Variants in DENND4B observed in about 807,000 individuals in gnomAD.
DENND4B encodes DENN domain containing 4B.
Under a neutral mutation model 161.0 loss-of-function variants are expected in DENND4B, and 67 were observed. The observed-to-expected ratio is 0.42, with a 90% confidence interval of 0.34 to 0.51. DENND4B has a LOEUF of 0.51. DENND4B is among the 20% of genes least tolerant of loss of function. The pLI is 0.08. For missense variants in DENND4B, 1,481 were observed against 1,968.0 expected, an observed-to-expected ratio of 0.75 and a Z score of 4.68; for synonymous variants, 753 against 813.8, an observed-to-expected ratio of 0.93 and a Z score of 1.27.
At position 153,933,662 on chromosome 1, in the gene DENND4B, C is replaced by A; in HGVS notation, c.3151G>T (p.Gly1051Cys). Residue 1051 changes from glycine to cysteine, a missense_variant, in exon 20 of 28, where the codon GGC becomes TGC. Transcript: ENST00000361217. The surrounding 1 kb of genome is among the most constrained non-coding windows in gnomAD (Gnocchi z 5.7). Reference sequence around the variant, plus strand: ...GCACCCAGCCCTCGTCGGGGGGTGCCTGCCTCATCCTGTCGCCCACCAGCC... The same window carrying A: ...GCACCCAGCCCTCGTCGGGGGGTGCATGCCTCATCCTGTCGCCCACCAGCC... ...PKAGGRQDEA[G>C]TPRRGLGARL... 6.4e-7 allele frequency: 1 copy of A among 1,567,986 alleles called. No homozygotes were observed. The highest frequency in any genetic ancestry group is 8.6e-7 in the Non-Finnish European group (1 of 1,158,286).
chr1:153,941,925 G>A lies in DENND4B; in HGVS notation c.999C>T (p.Phe333=), dbSNP rs371624516. Residue 333 remains phenylalanine (F), a synonymous_variant, in exon 6 of 28, where the codon TTC becomes TTT. Transcript: ENST00000361217. ...RWPAFPAFRA[F]LTFLYRYSVS... is the part of the protein sequence containing the mutation. Reference sequence around the variant, plus strand: ...CGGAGTAGCGGTAAAGGAAGGTGAGGAAGGCGCGGAAGGCAGGGAAGGCAG... The same window carrying A: ...CGGAGTAGCGGTAAAGGAAGGTGAGAAAGGCGCGGAAGGCAGGGAAGGCAG... 5 of 1,612,324 alleles carry A rather than the reference G, an allele frequency of 3.1e-6. No individual in the cohort carries two copies. Among genetic ancestry groups the A allele is most frequent in the Non-Finnish European group, 4.2e-6 (5 of 1,179,878 alleles).
chr1:153,940,799 G>T lies in DENND4B; in HGVS notation c.1326+105C>A. ...CAGGCTGTGCCCAGGGAAAGGGGCT[G>T]AGGATCCTCCACAAGGAAGGAAAAG... On this transcript the variant is annotated intron_variant, in intron 9 of 27. Transcript: ENST00000361217. The surrounding 1 kb of genome is among the most constrained non-coding windows in gnomAD (Gnocchi z 5.6). 1 of 1,469,984 alleles carries T rather than the reference G, an allele frequency of 6.8e-7. No homozygotes were observed. The highest frequency in any genetic ancestry group is 9.0e-7 in the Non-Finnish European group (1 of 1,109,152). 91.1% of individuals were successfully genotyped at this position (1,469,984 alleles called of 1,614,324 possible).
chr1:153,938,823 T>A lies in DENND4B; in HGVS notation c.1965+77A>T, dbSNP rs995378504. 4 of 1,509,056 alleles carry A rather than the reference T, an allele frequency of 2.7e-6. No homozygotes were observed. The African/African-American group carries it at 4.2e-5, about 16-fold the overall frequency. 93.5% of individuals were successfully genotyped at this position (1,509,056 alleles called of 1,614,324 possible). A position where few individuals can be genotyped will look rare whatever the true frequency, so the allele number is the denominator to read the frequency against. On this transcript the variant is annotated intron_variant, in intron 13 of 27. Coordinates refer to ENST00000361217, the MANE Select transcript of DENND4B (RefSeq NM_014856.3). ...ACCACCCTGAACATGCCCGATTCCGTCTAAAATGGCCTTGGGGCAACAGAG... is the reference window on the plus strand; with the variant it reads ...ACCACCCTGAACATGCCCGATTCCGACTAAAATGGCCTTGGGGCAACAGAG...
chr1:153,938,822 GTCT>G lies in DENND4B; in HGVS notation c.1965+75_1965+77del. Reference sequence around the variant, plus strand: ...TACCACCCTGAACATGCCCGATTCCGTCTAAAATGGCCTTGGGGCAACAGAGAC... The same window carrying G: ...TACCACCCTGAACATGCCCGATTCCGAAAATGGCCTTGGGGCAACAGAGAC... On this transcript the variant is annotated intron_variant, in intron 13 of 27. Transcript: ENST00000361217. 3 of 1,498,516 alleles carry G rather than the reference GTCT, an allele frequency of 2.0e-6. No homozygotes were observed. In the South Asian group the frequency reaches 3.6e-5, roughly 18 times the overall value. 92.8% of individuals were successfully genotyped at this position (1,498,516 alleles called of 1,614,324 possible). A position where few individuals can be genotyped will look rare whatever the true frequency, so the allele number is the denominator to read the frequency against.
At chr1:153,941,835 A>G in intron 6 of DENND4B, 34 bp downstream of exon 6, 14 of 1,538,062 alleles carry the variant, frequency 9.1e-6, no homozygotes, top group Non-Finnish European at 1.2e-5. Flanking sequence ...ATCCCTTCCT[A>G]ACCCCTTCCC....
chr1:153,930,294 TC>T lies in DENND4B; in HGVS notation c.*2del. On this transcript the variant is annotated 3_prime_UTR_variant, in exon 28 of 28. Transcript: ENST00000361217. This position sits in a 1 kb window ranked among gnomAD's most constrained non-coding sequence, Gnocchi z 4.7. ...CTAGGCTGGAGAGGGAAGCTTAAGG[TC>T]TCTAGCATTCTGGAGGTGCTCCAAA... 1.9e-6 allele frequency: 3 copies of T among 1,612,722 alleles called. No individual in the cohort carries two copies. Among genetic ancestry groups the T allele is most frequent in the Non-Finnish European group, 2.5e-6 (3 of 1,178,918 alleles).
chr1:153,936,481 C>G lies in DENND4B; in HGVS notation c.2439+61G>C. ...TCCACCAAGTTTCCCTCTCACAGCC[C>G]TCTCCAGCTGCACAAGGCTCACTGG... On this transcript the variant is annotated intron_variant, in intron 16 of 27. Transcript: ENST00000361217. This position sits in a 1 kb window ranked among gnomAD's most constrained non-coding sequence, Gnocchi z 4.1. 1 of 1,476,194 alleles carries G rather than the reference C, an allele frequency of 6.8e-7. No homozygotes were observed. Among genetic ancestry groups the G allele is most frequent in the Non-Finnish European group, 9.1e-7 (1 of 1,102,268 alleles). 91.4% of individuals were successfully genotyped at this position (1,476,194 alleles called of 1,614,324 possible). A position where few individuals can be genotyped will look rare whatever the true frequency, so the allele number is the denominator to read the frequency against.
Position 153,941,019 on chromosome 1 carries a change from C to A in DENND4B, c.1211G>T (p.Ser404Ile). 1 of 1,567,858 alleles carries A rather than the reference C, an allele frequency of 6.4e-7. No individual in the cohort carries two copies. Among genetic ancestry groups the A allele is most frequent in the Non-Finnish European group, 8.6e-7 (1 of 1,158,666 alleles). The change falls in exon 9 of 28, where the codon AGC (serine) becomes ATC (isoleucine). Residue 404 changes from serine (S) to isoleucine (I), a missense_variant. Coordinates refer to ENST00000361217, the MANE Select transcript of DENND4B (RefSeq NM_014856.3). The part of the protein sequence containing the change: ...SGASFLQLLQ[S>I]LGPELAITLL... ...TGTGATAGCCAGCTCAGGGCCCAGG[C>A]TCTGCAGCAGCTGCAGGAAGCTGGC... is the stretch of plus-strand genomic sequence containing the variant.
Position 153,936,549 on chromosome 1 carries a change from G to A in DENND4B, c.2432C>T (p.Pro811Leu). Residue 811 changes from proline to leucine, a missense_variant, in exon 16 of 28, where the codon CCT (proline) becomes CTT (leucine). Physicochemically the swap from Pro to Leu is moderately conservative, Grantham distance 98 (BLOSUM62 -3). Coordinates refer to ENST00000361217, the MANE Select transcript of DENND4B (RefSeq NM_014856.3). This position sits in a 1 kb window ranked among gnomAD's most constrained non-coding sequence, Gnocchi z 4.1. ...GTCACATAGATTGCCTACCTCATCAGGGAGCACCACCTTGCCGCTCTCCAT... is the reference window on the plus strand; with the variant it reads ...GTCACATAGATTGCCTACCTCATCAAGGAGCACCACCTTGCCGCTCTCCAT... ...RQMESGKVVL[P>L]DEVCYRVLMQ... 1 of 1,596,098 alleles carries A rather than the reference G, an allele frequency of 6.3e-7. No homozygotes were observed.
chr1:153,939,590 C>T lies in DENND4B; in HGVS notation c.1818G>A (p.Gln606=), dbSNP rs1304879817. Residue 606 remains glutamine, a splice_region_variant and synonymous_variant, in exon 12 of 28, where the codon CAG becomes CAA. Transcript: ENST00000361217. The part of the protein sequence containing the change: ...ARDVDNLFFL[Q]GFLKSRERSS... ...CAAGCAGAGACAGGCCCTCTATACC[C>T]TGCAGGAAGAAAAGGTTGTCAACAT... is the stretch of plus-strand genomic sequence containing the variant. 3.7e-6 allele frequency: 6 copies of T among 1,606,604 alleles called. No individual in the cohort carries two copies. Among genetic ancestry groups the T allele is most frequent in the South Asian group, 2.2e-5 (2 of 90,606 alleles).
chr1:153,938,776 T>C, intron 13 of DENND4B, 124 bp downstream of exon 13: 1 of 532,552 alleles, frequency 1.9e-6, no homozygotes, highest in South Asian at 7.2e-5. Context: ...TAAAATAAAA[T>C]GGCCCTGGGG....
At position 153,932,764 on chromosome 1, in the gene DENND4B, T is replaced by C. The variant is rs968191232; in HGVS notation, c.3637A>G (p.Lys1213Glu). 2.5e-6 allele frequency: 4 copies of C among 1,613,886 alleles called. No individual in the cohort carries two copies. In the Admixed American group the frequency reaches 5.0e-5, roughly 20 times the overall value. ...TTGCTGCCACTGGCACCAGCAGATT[T>C]GGGGCTGGGGACACTGCAGGGGGAT... is the stretch of plus-strand genomic sequence containing the variant. ...LDSRPSVPSP[K>E]SAGASGSKDA... is the part of the protein sequence containing the mutation. Residue 1213 changes from lysine (K) to glutamate (E), a missense_variant, in exon 23 of 28, where the codon AAA becomes GAA. By Grantham distance (56) the Lys-to-Glu change is moderately conservative. Transcript: ENST00000361217. The surrounding 1 kb of genome is among the most constrained non-coding windows in gnomAD (Gnocchi z 5.8).
chr1:153,945,786 C>T (rs1679927241), intron 1 of DENND4B, among the ~76,000 whole-genome samples: 1 of 152,230 alleles, frequency 6.6e-6, no homozygotes, highest in Non-Finnish European at 1.5e-5. Context: ...AAGTGGGTGG[C>T]ACCCATCCGC....
Position 153,937,822 on chromosome 1 carries a change from C to T in DENND4B, c.2007G>A (p.Val669=). 1 of 1,613,932 alleles carries T rather than the reference C, an allele frequency of 6.2e-7. No individual in the cohort carries two copies. Among genetic ancestry groups the T allele is most frequent in the Non-Finnish European group, 8.5e-7 (1 of 1,179,852 alleles). Residue 669 remains valine, a synonymous_variant, in exon 14 of 28, where the codon GTG becomes GTA. Coordinates refer to ENST00000361217, the MANE Select transcript of DENND4B (RefSeq NM_014856.3). The surrounding 1 kb of genome is among the most constrained non-coding windows in gnomAD (Gnocchi z 4.7). ...EQEKPEPTPL[V]ELEELSGSEL... Reference sequence around the variant, plus strand: ...CACTTCCTGACAGCTCCTCTAGCTCCACTAAGGGTGTCGGCTCAGGCTTCT... The same window carrying T: ...CACTTCCTGACAGCTCCTCTAGCTCTACTAAGGGTGTCGGCTCAGGCTTCT...
At chr1:153,935,866 T>C (rs568691958) in intron 17 of DENND4B, 194 bp downstream of exon 17, 2 of 620,538 alleles carry the variant, frequency 3.2e-6, no homozygotes, top group Non-Finnish European at 2.7e-6. Context: ...CTGTCATGAG[T>C]GGGAATCAAA....
chr1:153,941,516 T>A lies in DENND4B; in HGVS notation c.1056-76A>T, dbSNP rs979437845. The A allele has an allele frequency of 7.4e-6, 11 of 1,479,724 alleles. No individual in the cohort carries two copies. The African/African-American group carries it at 1.5e-4, about 21-fold the overall frequency. The allele number at this position is 1,479,724 out of a possible 1,614,324, so 91.7% of individuals were successfully genotyped here. A position where few individuals can be genotyped will look rare whatever the true frequency, so the allele number is the denominator to read the frequency against. ...CTCCCTCCACATTTTCTCAGCTCTTTCACTTGTTCTCAAGAACCTTATTCC... is the reference window on the plus strand; with the variant it reads ...CTCCCTCCACATTTTCTCAGCTCTTACACTTGTTCTCAAGAACCTTATTCC... On this transcript the variant is annotated intron_variant, in intron 6 of 27. Transcript: ENST00000361217.
rs369388141 is a variant in DENND4B at position 153,933,260 on chromosome 1, A to G, written c.3390T>C (p.Ser1130=). Residue 1130 remains serine (S), a synonymous_variant, in exon 21 of 28, where the codon AGT becomes AGC. Coordinates refer to ENST00000361217, the MANE Select transcript of DENND4B (RefSeq NM_014856.3). The surrounding 1 kb of genome is among the most constrained non-coding windows in gnomAD (Gnocchi z 5.7). ...DLSESSLSNL[S]LRRSSERLSD... ...TGAGGCGCTCTGAGGAACGGCGAAGACTCAGGTTGCTGAGAGAAGATTCTG... is the reference window on the plus strand; with the variant it reads ...TGAGGCGCTCTGAGGAACGGCGAAGGCTCAGGTTGCTGAGAGAAGATTCTG... The G allele has an allele frequency of 2.5e-6, 4 of 1,613,124 alleles. No individual in the cohort carries two copies. The highest frequency in any genetic ancestry group is 3.4e-6 in the Non-Finnish European group (4 of 1,179,568).
In DENND4B at chr1:153,944,956, G is replaced by A. The variant is rs1262113997; in HGVS notation, c.-23-559C>T. 6.6e-6 allele frequency among the ~76,000 whole-genome samples: 1 copy of A among 152,166 alleles called. No homozygotes were observed. The highest frequency in any genetic ancestry group is 2.4e-5 in the African/African-American group (1 of 41,420). Reference sequence around the variant, plus strand: ...AAGAGTCTTTTCAACGAACCCAAGTGTCCTTTCTCCTAGCTTAACTCCACC... The same window carrying A: ...AAGAGTCTTTTCAACGAACCCAAGTATCCTTTCTCCTAGCTTAACTCCACC... On this transcript the variant is annotated intron_variant, in intron 1 of 27. Coordinates refer to ENST00000361217, the MANE Select transcript of DENND4B (RefSeq NM_014856.3). The surrounding 1 kb of genome is among the most constrained non-coding windows in gnomAD (Gnocchi z 4.8).
At position 153,940,629 on chromosome 1, in the gene DENND4B, C is replaced by T. The variant is rs1679611580; in HGVS notation, c.1327-23G>A. On this transcript the variant is annotated intron_variant, in intron 9 of 27. Coordinates refer to ENST00000361217, the MANE Select transcript of DENND4B (RefSeq NM_014856.3). This position sits in a 1 kb window ranked among gnomAD's most constrained non-coding sequence, Gnocchi z 5.6. The stretch of plus-strand genomic sequence containing the variant: ...CATCTGAAGCACCAGGCAGTGAGAA[C>T]CAGTGAACAGGGGGTTGAGGCAGCA... 3 of 1,606,302 alleles carry T rather than the reference C, an allele frequency of 1.9e-6. No homozygotes were observed. Among genetic ancestry groups the T allele is most frequent in the Non-Finnish European group, 2.6e-6 (3 of 1,176,394 alleles).
Sources: allele counts gnomAD v4.1 joint callset (sites outside exome capture counted in the v4.1 genomes callset), GRCh38; gene constraint gnomAD v4.1.1; non-coding constraint Gnocchi (gnomAD v3.1); transcripts MANE v1.5; gene names NCBI Gene and HGNC (gene_info 2026-07-23, HGNC 2026-07-21).